ZNF335: variants seen among roughly 807,000 people sequenced by gnomAD.
ZNF335 encodes zinc finger protein 335, also known as NRC-interacting factor 1.
A neutral mutation model predicts 145.6 loss-of-function variants in ZNF335; 84 were observed. That is an observed-to-expected ratio of 0.58 (90% confidence interval 0.48 to 0.69). The LOEUF (loss-of-function observed/expected upper bound fraction) is 0.69. Among genes scored for constraint, ZNF335 ranks in the 30% least tolerant of loss-of-function variants. The pLI, the probability that ZNF335 is intolerant of heterozygous loss-of-function variation, is 0.00. For synonymous variants in ZNF335, 761 were observed against 717.0 expected, an observed-to-expected ratio of 1.06 and a Z score of -0.98; for missense variants, 1,865 against 1,809.7, an observed-to-expected ratio of 1.03 and a Z score of -0.55.
chr20:45,960,397 A>T, intron 13 of ZNF335, 29 bp from the exon 14 acceptor site: 1 of 1,612,872 alleles, frequency 6.2e-7, no homozygotes, highest in Non-Finnish European at 8.5e-7. Flanking sequence ...AGGGAAGCTC[A>T]GTAATGAGCT....
At chr20:45,949,925 T>A (rs767256942) in intron 23 of ZNF335, 41 bp downstream of exon 23, 1 of 1,614,038 alleles carries the variant, frequency 6.2e-7, no homozygotes, top group Non-Finnish European at 8.5e-7. Flanking sequence ...CCCCAACCCC[T>A]GCCTGTCGCT....
At chr20:45,966,015 A>C (rs915950222) in intron 6 of ZNF335, among the ~76,000 whole-genome samples, 3 of 152,184 alleles carry the variant, frequency 2.0e-5, no homozygotes, top group African/African-American at 7.2e-5. Flanking sequence ...CCTTCATGTG[A>C]ATAGGGAAAA....
Position 45,963,906 on chromosome 20 carries a change from C to T in ZNF335, c.1187G>A (p.Gly396Asp). The change falls in exon 8 of 28, where the codon GGC becomes GAC. Residue 396 changes from glycine (G) to aspartate (D), a missense_variant. By Grantham distance (94) the Gly-to-Asp change is moderately conservative. Transcript: ENST00000322927. ...PQDPEAPSSSGPGHLVAMGKV... is the reference protein window; with the variant it reads ...PQDPEAPSSSDPGHLVAMGKV... ...GCCCATGGCCACCAGGTGTCCTGGG[C>T]CTGAGGAGCTGGGAGCCTCGGGATC... 6.3e-7 allele frequency: 1 copy of T among 1,589,660 alleles called. No individual in the cohort carries two copies. Among genetic ancestry groups the T allele is most frequent in the East Asian group, 2.2e-5 (1 of 44,594 alleles).
chr20:45,969,193 G>A (rs540791981), intron 3 of ZNF335, among the ~76,000 whole-genome samples: 1 of 152,362 alleles, frequency 6.6e-6, no homozygotes, highest in South Asian at 2.1e-4. Flanking sequence ...GTAAAGTTTA[G>A]AACAGTCCTG....
At chr20:45,962,800 C>CT (rs2083868817) in intron 9 of ZNF335, among the ~76,000 whole-genome samples, 1 of 116,546 alleles carries the variant, frequency 8.6e-6, no homozygotes, top group African/African-American at 3.5e-5. Context: ...AAAAAGGAAC[C>CT]GTTTTTTTTT....
intron 2 of ZNF335, 131 bp from the exon 3 acceptor site, chr20:45,969,822 A>G: frequency 8.0e-7 from 1 of 1,257,786 alleles, no homozygotes; most frequent in Non-Finnish European, 1.1e-6. Flanking sequence ...TCATGCCCTC[A>G]GCCCCACGGA....
At chr20:45,966,711 C>T (rs1044570680) in intron 6 of ZNF335, among the ~76,000 whole-genome samples, 1 of 151,592 alleles carries the variant, frequency 6.6e-6, no homozygotes, top group Admixed American at 6.6e-5. Flanking sequence ...GCCACCACAC[C>T]CAGCTAATTT....
rs1568834437 is a variant in ZNF335 at position 45,972,175 on chromosome 20, A to C, written c.-104T>G. 1 of 1,289,144 alleles carries C rather than the reference A, an allele frequency of 7.8e-7. No homozygotes were observed. The highest frequency in any genetic ancestry group is 5.6e-5 in the East Asian group (1 of 17,934). The allele number at this position is 1,289,144 out of a possible 1,614,324, so 79.9% of individuals were successfully genotyped here. A position where few individuals can be genotyped will look rare whatever the true frequency, so the allele number is the denominator to read the frequency against. On this transcript the variant is annotated 5_prime_UTR_variant, in exon 1 of 28. It removes an upstream start codon present in the reference 5' UTR. Coordinates refer to ENST00000322927, the MANE Select transcript of ZNF335 (RefSeq NM_022095.4). ...TGACTCCGGCATCGACGAGGTCGCC[A>C]TCCTCTTTCCTCCGCTGCGGAGGAA...
Position 45,948,922 on chromosome 20 carries a change from A to G in ZNF335, c.*31T>C, listed in dbSNP as rs531186541. ...CCCTACCCCCAGGAGAGCTGGCCGC[A>G]AATCCATGATCTGTGTTGGGCCCTC... On this transcript the variant is annotated 3_prime_UTR_variant, in exon 28 of 28. Coordinates refer to ENST00000322927, the MANE Select transcript of ZNF335 (RefSeq NM_022095.4). 2.5e-6 allele frequency: 4 copies of G among 1,613,528 alleles called. No individual in the cohort carries two copies. In the South Asian group the frequency reaches 3.3e-5, roughly 13 times the overall value.
intron 9 of ZNF335, 95 bp from the exon 10 acceptor site, chr20:45,962,277 C>T (rs549441939): frequency 3.0e-5 from 29 of 968,244 alleles, no homozygotes; most frequent in East Asian, 7.2e-5. Context: ...AGGGTTGCTG[C>T]GGGAGCAGCT....
At chr20:45,959,160 G>A (rs2083780521) in intron 15 of ZNF335, 41 bp downstream of exon 15, 1 of 1,313,316 alleles carries the variant, frequency 7.6e-7, no homozygotes, top group Middle Eastern at 2.0e-4. Flanking sequence ...GCTGGGAGAA[G>A]CGGCCTCACT....
chr20:45,953,592 T>G (rs2083672643), intron 18 of ZNF335, 97 bp downstream of exon 18: 1 of 1,514,712 alleles, frequency 6.6e-7, no homozygotes, highest in Non-Finnish European at 9.0e-7. Flanking sequence ...ATTGGGATTT[T>G]TGCCTCCTGC....
rs2083676491 is a variant in ZNF335, at chr20:45,953,795, G to T, written c.2596C>A (p.Leu866Ile). The change falls in exon 18 of 28, where the codon CTA (leucine) becomes ATA (isoleucine). Residue 866 changes from leucine to isoleucine, a missense_variant. Physicochemically the swap from Leu to Ile is conservative, Grantham distance 5 (BLOSUM62 2). Transcript: ENST00000322927. ...CCAGGTGCCAGGGTGATCTGCGGTAGGTCAGGAGGGCCTAGCTGGCTCTCG... is the reference window on the plus strand; with the variant it reads ...CCAGGTGCCAGGGTGATCTGCGGTATGTCAGGAGGGCCTAGCTGGCTCTCG... ...AAESQLGPPD[L>I]PQITLAPGPF... The T allele has an allele frequency of 6.2e-7, 1 of 1,614,174 alleles. No individual in the cohort carries two copies. The highest frequency in any genetic ancestry group is 1.3e-5 in the African/African-American group (1 of 75,060).
chr20:45,960,322 G>C lies in ZNF335; in HGVS notation c.1906C>G (p.Leu636Val). 6.2e-7 allele frequency: 1 copy of C among 1,614,224 alleles called. No homozygotes were observed. The highest frequency in any genetic ancestry group is 8.5e-7 in the Non-Finnish European group (1 of 1,180,036). The stretch of plus-strand genomic sequence containing the variant: ...ACGTGGGACAACTGGTGGTTCAGCA[G>C]TGCCTTCTTGTCTTCACAAACAAAC... ...CEFVCEDKKA[L>V]LNHQLSHVSD... The change falls in exon 14 of 28, where the codon CTG (leucine) becomes GTG (valine). Residue 636 changes from leucine (L) to valine (V), a missense_variant. Physicochemically the swap from Leu to Val is conservative, Grantham distance 32. Coordinates refer to ENST00000322927, the MANE Select transcript of ZNF335 (RefSeq NM_022095.4).
chr20:45,964,934 G>A (rs960511795), intron 7 of ZNF335, among the ~76,000 whole-genome samples: 4 of 151,796 alleles, frequency 2.6e-5, no homozygotes, highest in Admixed American at 2.6e-4. Context: ...AGAAGGCTGA[G>A]GCACGAGAAT....
In ZNF335 at chr20:45,971,291, G is replaced by C; in HGVS notation, c.120C>G (p.Ser40Arg). 1.3e-6 allele frequency: 2 copies of C among 1,587,088 alleles called. No homozygotes were observed. ...GTSEAVSADS[S>R]DAAAAPGQAE... ...CCTGCCCCGGGGCGGCCGCGGCGTC[G>C]CTGCTGTCGGCGGACACGGCTTCTG... The change falls in exon 2 of 28, where the codon AGC becomes AGG. Residue 40 changes from serine to arginine, a missense_variant. Transcript: ENST00000322927.
At chr20:45,968,579 G>A (rs567169306) in intron 3 of ZNF335, 10 of 473,312 alleles carry the variant, frequency 2.1e-5, no homozygotes, top group Middle Eastern at 5.7e-4. Context: ...CTCAGCAGCC[G>A]GCCCACACTT....
At chr20:45,951,371 G>C (rs1300230823) in intron 20 of ZNF335, among the ~76,000 whole-genome samples, 1 of 152,228 alleles carries the variant, frequency 6.6e-6, no homozygotes, top group Non-Finnish European at 1.5e-5. Flanking sequence ...ACCTGCCCCA[G>C]AACTGGCCCA....
At position 45,948,959 on chromosome 20, in the gene ZNF335, A is replaced by G. The variant is rs1170388101; in HGVS notation, c.4023T>C (p.Asp1341=). Residue 1341 remains aspartate (D), a synonymous_variant, in exon 28 of 28, where the codon GAT becomes GAC. Transcript: ENST00000322927. ...TGTGTTGGGCCCTCGGGGCTCAGTC[A>G]TCGGCCAGGGTGATGACGTCGTACT... The part of the protein sequence containing the change: ...GIEYDVITLA[D]D The G allele has an allele frequency of 1.9e-6, 3 of 1,613,768 alleles. No homozygotes were observed. Among genetic ancestry groups the G allele is most frequent in the Middle Eastern group, 1.6e-4 (1 of 6,084 alleles).
Sources: allele counts gnomAD v4.1 joint callset (sites outside exome capture counted in the v4.1 genomes callset), GRCh38; gene constraint gnomAD v4.1.1; transcripts MANE v1.5; gene names NCBI Gene and HGNC (gene_info 2026-07-23, HGNC 2026-07-21).